WWC1: variants seen among roughly 807,000 people sequenced by gnomAD.
The protein encoded by WWC1 is protein KIBRA.
In WWC1, 55 loss-of-function variants were observed where a neutral mutation model predicts 138.4. The ratio of observed to expected loss-of-function variants is 0.40; its 90% CI spans 0.32 to 0.50. The LOEUF (loss-of-function observed/expected upper bound fraction) is 0.50, where lower values mean the gene tolerates loss of function less well. WWC1 is among the 20% of genes least tolerant of loss of function. WWC1 has a pLI of 0.72. For missense variants in WWC1, 1,226 were observed against 1,420.4 expected (o/e 0.86, Z 2.20); for synonymous variants, 524 against 564.9 (o/e 0.93, Z 1.03).
intron 1 of WWC1, among the ~76,000 whole-genome samples, chr5:168,337,645 G>T (rs1462568143): frequency 2.0e-5 from 3 of 152,216 alleles, no homozygotes; most frequent in African/African-American, 7.2e-5. Flanking sequence ...TGTTTTCATG[G>T]ATCTTATAGT....
At chr5:168,467,793 T>G in intron 21 of WWC1, 47 bp from the exon 22 acceptor site, 1 of 1,612,630 alleles carries the variant, frequency 6.2e-7, no homozygotes, top group Non-Finnish European at 8.5e-7. Flanking sequence ...CTTGCCCCTT[T>G]CTGGAGGCCC....
chr5:168,421,900 A>T, intron 9 of WWC1, 108 bp from the exon 10 acceptor site: 1 of 882,662 alleles, frequency 1.1e-6, no homozygotes, highest in Non-Finnish European at 1.8e-6. Context: ...GCCGTGGTCA[A>T]ATGCTTTACG....
intron 11 of WWC1, among the ~76,000 whole-genome samples, chr5:168,424,738 T>C (rs544246473): frequency 6.6e-6 from 1 of 152,102 alleles, no homozygotes; most frequent in Admixed American, 6.5e-5. Flanking sequence ...TAGGCAAGAG[T>C]CCAGATCCTG....
Position 168,311,955 on chromosome 5 carries a change from A to T in WWC1, c.119+19684A>T, listed in dbSNP as rs913115094. 4.8e-4 allele frequency among the ~76,000 whole-genome samples: 73 copies of T among 152,186 alleles called. 1 individual carries two copies. Among genetic ancestry groups the T allele is most frequent in the Non-Finnish European group, 1.0e-3 (68 of 67,986 alleles). On this transcript the variant is annotated intron_variant, in intron 1 of 22. Coordinates refer to ENST00000265293, the MANE Select transcript of WWC1 (RefSeq NM_015238.3). ...TCCCAGCTACTCAGAAGGCTGAAGCAGGAGAATCTCTTGAACCTGGGAGGC... is the reference window on the plus strand; with the variant it reads ...TCCCAGCTACTCAGAAGGCTGAAGCTGGAGAATCTCTTGAACCTGGGAGGC...
chr5:168,324,614 T>A (rs1772387833), intron 1 of WWC1, among the ~76,000 whole-genome samples: 1 of 152,096 alleles, frequency 6.6e-6, no homozygotes, highest in South Asian at 2.1e-4. Flanking sequence ...TGATTTTTTT[T>A]TTAAAAGCAG....
chr5:168,364,078 T>C (rs2152802142), intron 1 of WWC1, among the ~76,000 whole-genome samples: 1 of 152,256 alleles, frequency 6.6e-6, no homozygotes, highest in South Asian at 2.1e-4. Flanking sequence ...CGGCACTAGA[T>C]ACTGTATAGG....
intron 1 of WWC1, among the ~76,000 whole-genome samples, chr5:168,364,838 T>C (rs796330347): frequency 3.3e-5 from 5 of 152,262 alleles, no homozygotes; most frequent in African/African-American, 1.2e-4. Context: ...CTCTCTGAAA[T>C]GGCCCTCTTG....
intron 16 of WWC1, among the ~76,000 whole-genome samples, chr5:168,442,464 TAAA>T (rs202033566): frequency 2.8e-5 from 4 of 143,118 alleles, no homozygotes; most frequent in African/African-American, 1.0e-4. Flanking sequence ...AAAATTTAAT[TAAA>T]AAAAAAAGTT....
At chr5:168,423,159 A>AC (rs1781243399) in intron 10 of WWC1, among the ~76,000 whole-genome samples, 2 of 151,010 alleles carry the variant, frequency 1.3e-5, no homozygotes, top group African/African-American at 4.9e-5. Flanking sequence ...CAAAAAAAAA[A>AC]AAAAAAAAAA....
intron 9 of WWC1, among the ~76,000 whole-genome samples, chr5:168,418,497 G>A (rs757202636): frequency 2.0e-5 from 3 of 152,134 alleles, no homozygotes; most frequent in South Asian, 2.1e-4. Flanking sequence ...TGCTTGATGC[G>A]TTCTTGGCCT....
intron 4 of WWC1, 98 bp from the exon 5 acceptor site, chr5:168,399,390 G>A (rs1043663274): frequency 1.9e-5 from 23 of 1,239,992 alleles, no homozygotes; most frequent in East Asian, 7.1e-5. Context: ...TTATGCAGGC[G>A]CAGTGGGAGG....
At chr5:168,371,291 TG>T in intron 1 of WWC1, 132 bp from the exon 2 acceptor site, 1 of 622,136 alleles carries the variant, frequency 1.6e-6, no homozygotes, top group Non-Finnish European at 2.9e-6. Context: ...ACAACAGAGC[TG>T]GTGCTGCTGT....
chr5:168,400,875 G>A (rs1448959937), intron 5 of WWC1, among the ~76,000 whole-genome samples: 2 of 141,386 alleles, frequency 1.4e-5, no homozygotes, highest in South Asian at 2.7e-4. Flanking sequence ...AAGAAGGGAG[G>A]GAAGAAGAAA....
chr5:168,402,681 G>A (rs1779398152), intron 5 of WWC1, among the ~76,000 whole-genome samples: 1 of 152,198 alleles, frequency 6.6e-6, no homozygotes, highest in South Asian at 2.1e-4. Flanking sequence ...GGCACTGGAA[G>A]GGTTGAAAAC....
At chr5:168,376,898 C>T (rs1237296577) in intron 2 of WWC1, among the ~76,000 whole-genome samples, 1 of 152,128 alleles carries the variant, frequency 6.6e-6, no homozygotes, top group Non-Finnish European at 1.5e-5. Flanking sequence ...ATCAAACTAC[C>T]AGCATCATTT....
At chr5:168,467,741 C>A in intron 21 of WWC1, 99 bp from the exon 22 acceptor site, 1 of 1,530,516 alleles carries the variant, frequency 6.5e-7, no homozygotes, top group South Asian at 1.2e-5. Context: ...AGTGAGGGTG[C>A]CGTCCCTACA....
At chr5:168,326,049 G>A (rs1407763542) in intron 1 of WWC1, among the ~76,000 whole-genome samples, 5 of 151,942 alleles carry the variant, frequency 3.3e-5, no homozygotes, top group African/African-American at 7.3e-5. Flanking sequence ...TTGCTTTTCT[G>A]TTCCTCTGTC....
chr5:168,416,561 G>C (rs1780676373), intron 9 of WWC1: 1 of 152,064 alleles, frequency 6.6e-6, no homozygotes, highest in Non-Finnish European at 1.5e-5. Flanking sequence ...CCATTCCCTG[G>C]GTCCCTCACT....
intron 1 of WWC1, among the ~76,000 whole-genome samples, chr5:168,327,716 A>C (rs1017453587): frequency 6.6e-6 from 1 of 152,174 alleles, no homozygotes; most frequent in Admixed American, 6.5e-5. Context: ...GAATGATGAA[A>C]GGCCAGTGCT....
Sources: allele counts gnomAD v4.1 joint callset (sites outside exome capture counted in the v4.1 genomes callset), GRCh38; gene constraint gnomAD v4.1.1; transcripts MANE v1.5; gene names NCBI Gene and HGNC (gene_info 2026-07-23, HGNC 2026-07-21).